Variants in PDE1C observed in about 807,000 individuals in gnomAD.
PDE1C encodes the protein phosphodiesterase 1C, also known as dual specificity calcium/calmodulin-dependent 3',5'-cyclic nucleotide phosphodiesterase 1C.
PDE1C carries 62 observed loss-of-function variants against 93.1 expected under a neutral mutation model. That is an observed-to-expected ratio of 0.67 (90% CI 0.54 to 0.82). The LOEUF is 0.82. Among genes scored for constraint, PDE1C ranks in the 40% least tolerant of loss-of-function variants. The probability of loss-of-function intolerance (pLI) is 0.00; values close to 1 mark genes in which losing one functional copy is unlikely to be tolerated. For synonymous variants in PDE1C, 325 were observed against 310.1 expected (o/e 1.05, Z -0.50); for missense variants, 742 against 884.6 (o/e 0.84, Z 2.04).
At chr7:31,867,057 T>C (rs1392914661) in intron 6 of PDE1C, among the ~76,000 whole-genome samples, 1 of 152,084 alleles carries the variant, frequency 6.6e-6, no homozygotes, top group Non-Finnish European at 1.5e-5. Context: ...GGGGGCTCAA[T>C]AGTCCTTGTA....
At chr7:32,423,394 TA>T (rs1238647332) in intron 1 of PDE1C, among the ~76,000 whole-genome samples, 1 of 151,772 alleles carries the variant, frequency 6.6e-6, no homozygotes, top group Non-Finnish European at 1.5e-5. Context: ...AAATAAAAAA[TA>T]AAAAAGAAGA....
At chr7:32,302,304 G>A (rs7780609), upstream of PDE1C, among the ~76,000 whole-genome samples, 22,027 of 152,136 alleles carry the variant, frequency 0.14, 1,822 homozygotes, top group African/African-American at 0.2. Context: ...AGGACTCAGA[G>A]TGCATTCTAA....
At chr7:32,178,755 T>C (rs1803177099) in intron 2 of PDE1C, among the ~76,000 whole-genome samples, 1 of 152,160 alleles carries the variant, frequency 6.6e-6, no homozygotes, top group South Asian at 2.1e-4. Context: ...ACCTCCCCTC[T>C]GTCCCTGCCA....
chr7:32,182,069 G>T (rs1803480318), intron 2 of PDE1C, among the ~76,000 whole-genome samples: 1 of 152,078 alleles, frequency 6.6e-6, no homozygotes. Flanking sequence ...ATAAATTCCT[G>T]GACATATACA....
At chr7:32,021,549 A>AAAACAAACG (rs1475554350) in intron 2 of PDE1C, among the ~76,000 whole-genome samples, 1 of 152,166 alleles carries the variant, frequency 6.6e-6, no homozygotes, top group Admixed American at 6.6e-5. Flanking sequence ...ACAGGAAGTA[A>AAAACAAACG]AAACAAACGA....
At chr7:32,189,830 T>C (rs1804115480) in intron 2 of PDE1C, among the ~76,000 whole-genome samples, 1 of 152,226 alleles carries the variant, frequency 6.6e-6, no homozygotes, top group African/African-American at 2.4e-5. Context: ...AACTAGCCTT[T>C]GCTGATAATA....
the PDE1C span, among the ~76,000 whole-genome samples, chr7:31,661,377 A>G: frequency 6.6e-6 from 1 of 152,130 alleles, no homozygotes; most frequent in African/African-American, 2.4e-5. Flanking sequence ...AGAATCATTC[A>G]CCCCATAGGG....
chr7:31,859,643 G>A (rs954213682), intron 7 of PDE1C, among the ~76,000 whole-genome samples: 10 of 151,772 alleles, frequency 6.6e-5, no homozygotes, highest in Non-Finnish European at 2.9e-5. Context: ...GACCCAATAA[G>A]GGTCCATAAG....
At chr7:31,632,121 A>G in the PDE1C span, among the ~76,000 whole-genome samples, 2 of 152,196 alleles carry the variant, frequency 1.3e-5, no homozygotes, top group African/African-American at 4.8e-5. Flanking sequence ...TGCCATAGAC[A>G]ACACAGATCA....
the PDE1C span, chr7:31,642,748 C>T: frequency 1.2e-6 from 2 of 1,613,990 alleles, no homozygotes; most frequent in African/African-American, 1.3e-5. Context: ...AGATCAGAGC[C>T]ACAGCTTAGT....
At chr7:32,408,945 C>A (rs2128097370) in intron 1 of PDE1C, among the ~76,000 whole-genome samples, 1 of 152,272 alleles carries the variant, frequency 6.6e-6, no homozygotes, top group South Asian at 2.1e-4. Flanking sequence ...GGTCCAGTTT[C>A]TGGAGAAGAA....
chr7:32,317,110 GT>G (rs767156075), intron 1 of PDE1C, among the ~76,000 whole-genome samples: 8,776 of 152,264 alleles, frequency 0.058, 874 homozygotes, highest in African/African-American at 0.2. Context: ...GAACTGTGCA[GT>G]ATGCCAGGAA....
chr7:32,104,216 T>C (rs1043516736), intron 3 of PDE1C, among the ~76,000 whole-genome samples: 11 of 152,108 alleles, frequency 7.2e-5, no homozygotes, highest in Non-Finnish European at 1.2e-4. Flanking sequence ...AGGACACACA[T>C]CAAGGTACAA....
intron 2 of PDE1C, among the ~76,000 whole-genome samples, chr7:31,892,636 C>T (rs933853219): frequency 6.6e-6 from 1 of 152,108 alleles, no homozygotes; most frequent in Non-Finnish European, 1.5e-5. Context: ...CACCCAACCT[C>T]TAGTAACCAC....
chr7:31,768,687 A>C (rs1486596808), intron 17 of PDE1C, among the ~76,000 whole-genome samples: 1 of 152,182 alleles, frequency 6.6e-6, no homozygotes, highest in East Asian at 1.9e-4. Context: ...TATGGTCACT[A>C]GTCACTCAAA....
chr7:32,194,074 C>T (rs1218915941), intron 2 of PDE1C, among the ~76,000 whole-genome samples: 3 of 151,996 alleles, frequency 2.0e-5, no homozygotes, highest in Non-Finnish European at 4.4e-5. Flanking sequence ...GCCACCACAC[C>T]CGGTAATTTT....
chr7:31,973,309 A>C (rs1055258828), intron 2 of PDE1C, among the ~76,000 whole-genome samples: 1 of 152,166 alleles, frequency 6.6e-6, no homozygotes, highest in African/African-American at 2.4e-5. Context: ...AAAATAACTA[A>C]AAACTTCCCA....
At chr7:31,845,384 T>C (rs1399429854) in intron 9 of PDE1C, among the ~76,000 whole-genome samples, 2 of 152,158 alleles carry the variant, frequency 1.3e-5, no homozygotes, top group Non-Finnish European at 2.9e-5. Flanking sequence ...TTCTGTTATA[T>C]TGCTCTGAAG....
At chr7:32,364,719 T>C (rs1784196927) in intron 1 of PDE1C, among the ~76,000 whole-genome samples, 2 of 152,186 alleles carry the variant, frequency 1.3e-5, no homozygotes, top group African/African-American at 4.8e-5. Context: ...CAGCACCAAC[T>C]TGAGACCACA....
Sources: allele counts gnomAD v4.1 joint callset (sites outside exome capture counted in the v4.1 genomes callset), GRCh38; gene constraint gnomAD v4.1.1; transcripts MANE v1.5; gene names NCBI Gene and HGNC (gene_info 2026-07-23, HGNC 2026-07-21).